Variants in KDM6B observed in about 807,000 individuals in gnomAD.
KDM6B encodes lysine-specific demethylase 6B.
In KDM6B, 22 loss-of-function variants were observed where a neutral mutation model predicts 150.4. That is an observed-to-expected ratio of 0.15 (90% CI 0.10 to 0.21). The LOEUF (loss-of-function observed/expected upper bound fraction) is 0.21, where lower values mean the gene tolerates loss of function less well. Ranked by LOEUF, KDM6B falls within the 10% of genes least tolerant of loss-of-function variation. KDM6B has a pLI of 1.00. For missense variants in KDM6B, 1,984 were observed against 2,234.3 expected (o/e 0.89, Z 2.26); for synonymous variants, 1,148 against 921.1 (o/e 1.25, Z -4.46).
In KDM6B at chr17:7,854,719, G is replaced by A. The variant is rs1303488783; in HGVS notation, c.*1198G>A. ...TGTCTCTCTGCCCCAGGGGCAGAGGGGTCTTCCCAACCCTACCCCTATTTT... is the reference window on the plus strand; with the variant it reads ...TGTCTCTCTGCCCCAGGGGCAGAGGAGTCTTCCCAACCCTACCCCTATTTT... On this transcript the variant is annotated 3_prime_UTR_variant, in exon 24 of 24. Transcript: ENST00000448097. 1 of 235,162 alleles carries A rather than the reference G, an allele frequency of 4.3e-6. No homozygotes were observed. Among genetic ancestry groups the A allele is most frequent in the Non-Finnish European group, 8.6e-6 (1 of 116,780 alleles). The allele number at this position is 235,162 out of a possible 1,614,324, so 14.6% of individuals were successfully genotyped here.
intron 20 of KDM6B, 61 bp from the exon 21 acceptor site, chr17:7,852,434 C>T: frequency 7.8e-7 from 1 of 1,289,940 alleles, no homozygotes; most frequent in Non-Finnish European, 1.1e-6. Flanking sequence ...AGGGAAGGGG[C>T]TTGGGCCTAG....
chr17:7,851,464 C>T lies in KDM6B; in HGVS notation c.3945-14C>T, dbSNP rs2078693499. 1.2e-6 allele frequency: 2 copies of T among 1,614,190 alleles called. No homozygotes were observed. The highest frequency in any genetic ancestry group is 2.2e-5 in the East Asian group (1 of 44,884). On this transcript the variant is annotated splice_polypyrimidine_tract_variant and intron_variant, in intron 16 of 23. Transcript: ENST00000448097. ...CCTCTGCTCTCCACCAACCTGTGCT[C>T]TTCGCCCCAGCAGCAGCGCACCAGA...
chr17:7,846,727 G>C lies in KDM6B; in HGVS notation c.698G>C (p.Cys233Ser), dbSNP rs756900668. Reference sequence around the variant, plus strand: ...CCTGGAGGCAAGCGAAGGAGAGGCTGCAACTCTGAACAGGTGTGGGTATAG... The same window carrying C: ...CCTGGAGGCAAGCGAAGGAGAGGCTCCAACTCTGAACAGGTGTGGGTATAG... ...LSPGGKRRRG[C>S]NSEQTGLPPG... Residue 233 changes from cysteine (C) to serine (S), a missense_variant, in exon 9 of 24, where the codon TGC becomes TCC. Around this residue, in one of 13 missense-constraint regions of KDM6B, gnomAD observed 337 missense variants for 323.9 expected, o/e 1.04. Coordinates refer to ENST00000448097, the MANE Select transcript of KDM6B (RefSeq NM_001348716.2). 3.1e-6 allele frequency: 5 copies of C among 1,614,074 alleles called. No homozygotes were observed. The South Asian group carries it at 5.5e-5, about 18-fold the overall frequency.
In KDM6B at chr17:7,852,644, C is replaced by G. The variant is rs186394307; in HGVS notation, c.4610+8C>G. ...CTTGTTCAAGATGATCAAGTGAGGA[C>G]CCTATTTGGGTGGGAGCCCACCTCC... On this transcript the variant is annotated splice_region_variant and intron_variant, in intron 21 of 23. Coordinates refer to ENST00000448097, the MANE Select transcript of KDM6B (RefSeq NM_001348716.2). 1.1e-4 allele frequency: 183 copies of G among 1,613,982 alleles called. 2 individuals are homozygous for G. In the African/African-American group the frequency reaches 2.0e-3, roughly 18 times the overall value.
chr17:7,849,185 C>T lies in KDM6B; in HGVS notation c.2897C>T (p.Ala966Val), dbSNP rs368702716. 2.2e-5 allele frequency: 36 copies of T among 1,607,786 alleles called. No individual in the cohort carries two copies. In the Admixed American group the frequency reaches 2.7e-4, roughly 12 times the overall value. Residue 966 changes from alanine to valine, a missense_variant, in exon 12 of 24, where the codon GCG (alanine) becomes GTG (valine). By Grantham distance (64) the Ala-to-Val change is moderately conservative. This residue lies in a region of KDM6B where 1,379 missense variants were observed against 1,275.6 expected (regional missense o/e 1.08). Transcript: ENST00000448097. ...GCCAAGGAGGAGGCTGGCGGGGTGG[C>T]GGCAGTGTCAGGCAGCTGTAAGCGG... is the stretch of plus-strand genomic sequence containing the variant. ...AQAKEEAGGV[A>V]AVSGSCKRRQ...
Position 7,845,540 on chromosome 17 carries a change from C to T in KDM6B, c.-5-10C>T. On this transcript the variant is annotated splice_polypyrimidine_tract_variant and intron_variant, in intron 4 of 23. Coordinates refer to ENST00000448097, the MANE Select transcript of KDM6B (RefSeq NM_001348716.2). ...TCCAGTAAGAGCATAATTTCTTATC[C>T]CCAACTCAGGCTGGATGCATCGGGC... The T allele has an allele frequency of 6.2e-7, 1 of 1,614,094 alleles. No individual in the cohort carries two copies.
At position 7,853,044 on chromosome 17, in the gene KDM6B, A is replaced by G; in HGVS notation, c.4655A>G (p.Glu1552Gly). 1 of 1,614,096 alleles carries G rather than the reference A, an allele frequency of 6.2e-7. No individual in the cohort carries two copies. Among genetic ancestry groups the G allele is most frequent in the Non-Finnish European group, 8.5e-7 (1 of 1,180,034 alleles). Reference protein sequence around the residue: ...QSMKHCQVQRESLVRAGKKIA... With the variant: ...QSMKHCQVQRGSLVRAGKKIA... ...ATGAAGCACTGCCAGGTGCAACGCG[A>G]GAGCCTGGTGCGGGCAGGGAAGAAA... The change falls in exon 22 of 24, where the codon GAG becomes GGG. Residue 1552 changes from glutamate (E) to glycine (G), a missense_variant. Glu to Gly is a moderately conservative substitution (Grantham distance 98). Around this residue, in one of 13 missense-constraint regions of KDM6B, gnomAD observed 18 missense variants for 23.6 expected, o/e 0.76. Coordinates refer to ENST00000448097, the MANE Select transcript of KDM6B (RefSeq NM_001348716.2).
Position 7,847,696 on chromosome 17 carries a change from C to A in KDM6B, c.1408C>A (p.Pro470Thr), listed in dbSNP as rs1368027894. 2.0e-6 allele frequency: 3 copies of A among 1,526,842 alleles called. No individual in the cohort carries two copies. The highest frequency in any genetic ancestry group is 4.0e-5 in the Admixed American group (2 of 50,512). 94.6% of individuals were successfully genotyped at this position (1,526,842 alleles called of 1,614,324 possible). A position where few individuals can be genotyped will look rare whatever the true frequency, so the allele number is the denominator to read the frequency against. ...SLPPGPSSPP[P>T]PPCPRLLRPP... The stretch of plus-strand genomic sequence containing the variant: ...GCCACCTGGACCTTCCTCACCCCCT[C>A]CACCCCCCTGTCCCCGCCTCTTACG... Residue 470 changes from proline (P) to threonine (T), a missense_variant, in exon 12 of 24, where the codon CCA becomes ACA. Pro to Thr is a conservative substitution (Grantham distance 38). Coordinates refer to ENST00000448097, the MANE Select transcript of KDM6B (RefSeq NM_001348716.2).
At position 7,849,901 on chromosome 17, in the gene KDM6B, A is replaced by G; in HGVS notation, c.3521A>G (p.Glu1174Gly). 1 of 1,613,500 alleles carries G rather than the reference A, an allele frequency of 6.2e-7. No homozygotes were observed. The highest frequency in any genetic ancestry group is 8.5e-7 in the Non-Finnish European group (1 of 1,180,014). The change falls in exon 13 of 24, where the codon GAG becomes GGG. Residue 1174 changes from glutamate (E) to glycine (G), a missense_variant. Glu to Gly is a moderately conservative substitution (Grantham distance 98, BLOSUM62 -2). Transcript: ENST00000448097. ...GTGAAACCGAAGATCAACACTGAGG[A>G]GAAGCTGCCCCGGGAAAAACTCAAC... ...QSVKPKINTEEKLPREKLNPP... is the reference protein window; with the variant it reads ...QSVKPKINTEGKLPREKLNPP...
rs370058561 is a variant in KDM6B at position 7,847,160 on chromosome 17, C to T, written c.965C>T (p.Ala322Val). 236 of 1,607,186 alleles carry T rather than the reference C, an allele frequency of 1.5e-4. No homozygotes were observed. The highest frequency in any genetic ancestry group is 1.9e-4 in the Non-Finnish European group (228 of 1,179,846). ...PYPYPAPAYT[A>V]HPPGHRLVPA... ...CCATACCCAGCTCCAGCGTACACCG[C>T]GCACCCCCCTGGCCACCGGCTGGTC... Residue 322 changes from alanine to valine, a missense_variant, in exon 11 of 24, where the codon GCG becomes GTG. Physicochemically the swap from Ala to Val is moderately conservative, Grantham distance 64 (BLOSUM62 0). Transcript: ENST00000448097.
In KDM6B at chr17:7,852,231, G is replaced by C. The variant is rs2078711933; in HGVS notation, c.4363G>C (p.Val1455Leu). 1 of 1,614,100 alleles carries C rather than the reference G, an allele frequency of 6.2e-7. No individual in the cohort carries two copies. Among genetic ancestry groups the C allele is most frequent in the Non-Finnish European group, 8.5e-7 (1 of 1,180,038 alleles). The change falls in exon 20 of 24, where the codon GTG becomes CTG. Residue 1455 changes from valine (V) to leucine (L), a missense_variant. Physicochemically the swap from Val to Leu is conservative, Grantham distance 32 (BLOSUM62 1). Around this residue, in one of 13 missense-constraint regions of KDM6B, gnomAD observed 41 missense variants for 158.8 expected, o/e 0.26. Coordinates refer to ENST00000448097, the MANE Select transcript of KDM6B (RefSeq NM_001348716.2). ...YASNIPVYRF[V>L]QRPGDLVWIN... ...ATCCAATATTCCTGTGTACCGCTTC[G>C]TGCAGCGACCCGGAGACCTCGTGTG... is the stretch of plus-strand genomic sequence containing the variant.
In KDM6B at chr17:7,846,897, C is replaced by G; in HGVS notation, c.790C>G (p.Pro264Ala). Residue 264 changes from proline to alanine, a missense_variant, in exon 10 of 24, where the codon CCC (proline) becomes GCC (alanine). Around this residue, in one of 13 missense-constraint regions of KDM6B, gnomAD observed 1,379 missense variants for 1,275.6 expected, o/e 1.08. Coordinates refer to ENST00000448097, the MANE Select transcript of KDM6B (RefSeq NM_001348716.2). ...PPPPPPPPPP[P>A]LPGLATSPPF... ...ACCACCACCACCACCACCACCACCACCCCTGCCTGGCCTGGCTACCAGCCC... is the reference window on the plus strand; with the variant it reads ...ACCACCACCACCACCACCACCACCAGCCCTGCCTGGCCTGGCTACCAGCCC... 1 of 1,590,788 alleles carries G rather than the reference C, an allele frequency of 6.3e-7. No homozygotes were observed. The highest frequency in any genetic ancestry group is 1.1e-5 in the South Asian group (1 of 90,332).
rs750175800 is a variant in KDM6B, at chr17:7,851,135, G to A, written c.3788G>A (p.Arg1263Gln). 1 of 1,613,822 alleles carries A rather than the reference G, an allele frequency of 6.2e-7. No homozygotes were observed. The highest frequency in any genetic ancestry group is 1.1e-5 in the South Asian group (1 of 91,086). The change falls in exon 15 of 24, where the codon CGG (arginine) becomes CAG (glutamine). Residue 1263 changes from arginine (R) to glutamine (Q), a missense_variant. Arg to Gln is a conservative substitution (Grantham distance 43). This residue lies in a region of KDM6B where 10 missense variants were observed against 54.7 expected (regional missense o/e 0.18). Transcript: ENST00000448097. Reference protein sequence around the residue: ...SDENWDLTGTRQIWPCESSRS... With the variant: ...SDENWDLTGTQQIWPCESSRS... ...GAGAACTGGGATCTGACAGGCACTC[G>A]GCAGATCTGGCCTTGTGAGAGCTCC...
intron 1 of KDM6B, among the ~76,000 whole-genome samples, chr17:7,839,480 T>G (rs1163629543): frequency 6.6e-6 from 1 of 151,304 alleles, no homozygotes; most frequent in Non-Finnish European, 1.5e-5. Flanking sequence ...GTCCAGAGGG[T>G]GGGGTTGACT....
At position 7,846,970 on chromosome 17, in the gene KDM6B, A is replaced by T; in HGVS notation, c.863A>T (p.Asp288Val). ...GGGCTGTGGAGTACCCTGCATGGAGATGCCTGGGGCCCAGAGCGCAAGGGT... is the reference window on the plus strand; with the variant it reads ...GGGCTGTGGAGTACCCTGCATGGAGTTGCCTGGGGCCCAGAGCGCAAGGGT... ...KPGLWSTLHG[D>V]AWGPERKGSA... The change falls in exon 10 of 24, where the codon GAT becomes GTT. Residue 288 changes from aspartate to valine, a missense_variant. Transcript: ENST00000448097. The T allele has an allele frequency of 6.2e-7, 1 of 1,610,418 alleles. No individual in the cohort carries two copies.
chr17:7,852,880 A>G, intron 21 of KDM6B, 120 bp from the exon 22 acceptor site: 1 of 1,407,878 alleles, frequency 7.1e-7, no homozygotes. Flanking sequence ...TGACCTAGAC[A>G]TGAAGCGGGG....
chr17:7,846,756 G>A lies in KDM6B; in HGVS notation c.711+16G>A. On this transcript the variant is annotated intron_variant, in intron 9 of 23. Coordinates refer to ENST00000448097, the MANE Select transcript of KDM6B (RefSeq NM_001348716.2). ...CTCTGAACAGGTGTGGGTATAGGGG[G>A]GCCAGCAGGCAGTAAGTAGGCAGGA... 6.2e-7 allele frequency: 1 copy of A among 1,613,966 alleles called. No individual in the cohort carries two copies. The highest frequency in any genetic ancestry group is 2.2e-5 in the East Asian group (1 of 44,872).
At chr17:7,852,866 G>T in intron 21 of KDM6B, 134 bp from the exon 22 acceptor site, 2 of 1,331,608 alleles carry the variant, frequency 1.5e-6, no homozygotes, top group Non-Finnish European at 2.1e-6. Flanking sequence ...CAGGACAGAG[G>T]ATGTGACCTA....
intron 4 of KDM6B, 35 bp downstream of exon 4, chr17:7,845,491 T>C: frequency 6.2e-7 from 1 of 1,603,680 alleles, no homozygotes; most frequent in Non-Finnish European, 8.5e-7. Context: ...TGGCTGGATG[T>C]ACACTGGCAG....
Sources: allele counts gnomAD v4.1 joint callset (sites outside exome capture counted in the v4.1 genomes callset), GRCh38; gene constraint gnomAD v4.1.1; regional missense constraint gnomAD v4.1.1; transcripts MANE v1.5; gene names NCBI Gene and HGNC (gene_info 2026-07-23, HGNC 2026-07-21).